MARCHF10: variants seen among roughly 807,000 people sequenced by gnomAD.
MARCHF10 encodes the protein probable E3 ubiquitin-protein ligase MARCHF10.
A neutral mutation model predicts 76.2 loss-of-function variants in MARCHF10; 64 were observed. The ratio of observed to expected loss-of-function variants is 0.84; its 90% CI spans 0.69 to 1.03. MARCHF10 has a LOEUF of 1.03. Ranked by LOEUF, MARCHF10 falls within the 50% of genes least tolerant of loss-of-function variation. MARCHF10 has a pLI of 0.00. For synonymous variants in MARCHF10, 340 were observed against 357.5 expected (o/e 0.95, Z 0.55); for missense variants, 875 against 958.0 (o/e 0.91, Z 1.14).
intron 7 of MARCHF10, among the ~76,000 whole-genome samples, chr17:62,723,261 C>A: frequency 6.7e-6 from 1 of 149,970 alleles, no homozygotes; most frequent in African/African-American, 2.5e-5. Context: ...TCCTATTCCC[C>A]AATGCAAAAG....
chr17:62,747,085 C>A, intron 4 of MARCHF10: 4 of 783,086 alleles, frequency 5.1e-6, no homozygotes, highest in Middle Eastern at 4.7e-4. Context: ...CTAGCCTGCA[C>A]GCTCCTTAAG....
At chr17:62,731,241 C>CT (rs1403369049) in intron 6 of MARCHF10, among the ~76,000 whole-genome samples, 7 of 152,090 alleles carry the variant, frequency 4.6e-5, no homozygotes, top group Non-Finnish European at 1.0e-4. Flanking sequence ...AAAAACATAT[C>CT]TGTAAAATAT....
chr17:62,751,797 G>C (rs2091904706), intron 4 of MARCHF10, among the ~76,000 whole-genome samples: 1 of 152,172 alleles, frequency 6.6e-6, no homozygotes, highest in Admixed American at 6.5e-5. Flanking sequence ...GAAGCAGGCG[G>C]ATTACTTGAG....
At chr17:62,705,381 TGTTTGC>T in intron 10 of MARCHF10, 152 bp downstream of exon 10, 1 of 1,534,930 alleles carries the variant, frequency 6.5e-7, no homozygotes, top group Non-Finnish European at 8.7e-7. Flanking sequence ...CCTTCCTGAT[TGTTTGC>T]TGCGGCTGAC....
chr17:62,761,488 C>T (rs182809620), intron 3 of MARCHF10, among the ~76,000 whole-genome samples: 63 of 152,166 alleles, frequency 4.1e-4, no homozygotes, highest in Admixed American at 1.2e-3. Flanking sequence ...ATGGTGCCAC[C>T]TTGGCTCACT....
chr17:62,751,306 G>C (rs1159112634), intron 4 of MARCHF10, among the ~76,000 whole-genome samples: 3 of 152,116 alleles, frequency 2.0e-5, no homozygotes, highest in Non-Finnish European at 4.4e-5. Context: ...CCTGCAAAAC[G>C]AGACGGGTGT....
chr17:62,806,835 C>CT, intron 1 of MARCHF10, among the ~76,000 whole-genome samples: 1 of 152,356 alleles, frequency 6.6e-6, no homozygotes, highest in East Asian at 1.9e-4. Context: ...TACCATCCCT[C>CT]TGTTTTATGA....
chr17:62,741,238 T>C (rs1457991083), intron 5 of MARCHF10, among the ~76,000 whole-genome samples: 3 of 152,240 alleles, frequency 2.0e-5, no homozygotes, highest in Admixed American at 6.5e-5. Flanking sequence ...TTGTTGGGTA[T>C]ATAGGTTGTT....
Position 62,736,513 on chromosome 17 carries a change from T to C in MARCHF10, c.1355A>G (p.Asp452Gly). ...DYLNSSQNSL[D>G]YFISGRPISP... ...TATTGGTCTGCCAGAAATAAAGTAG[T>C]CAAGAGAATTTTGAGAACTGTTTAA... The change falls in exon 6 of 11, where the codon GAC (aspartate) becomes GGC (glycine). Residue 452 changes from aspartate to glycine, a missense_variant. Transcript: ENST00000311269. The C allele has an allele frequency of 6.2e-7, 1 of 1,614,154 alleles. No homozygotes were observed. Among genetic ancestry groups the C allele is most frequent in the Non-Finnish European group, 8.5e-7 (1 of 1,180,018 alleles).
chr17:62,744,022 C>T (rs955755516), intron 5 of MARCHF10, among the ~76,000 whole-genome samples: 2 of 152,116 alleles, frequency 1.3e-5, no homozygotes, highest in Admixed American at 6.5e-5. Context: ...TCTCTGCCTT[C>T]CCCAACCCCT....
rs554714813 is a variant in MARCHF10, at chr17:62,751,472, T to C, written c.383-6944A>G. Among the ~76,000 whole-genome samples the C allele has an allele frequency of 5.3e-5, 8 of 152,272 alleles. No individual in the cohort carries two copies. In the South Asian group the frequency reaches 1.7e-3, roughly 32 times the overall value. ...CCCAGGTGTTTCTCATGAATGTTAATGTTTGGAAAAGCAAGGATCTGAGAC... is the reference window on the plus strand; with the variant it reads ...CCCAGGTGTTTCTCATGAATGTTAACGTTTGGAAAAGCAAGGATCTGAGAC... On this transcript the variant is annotated intron_variant, in intron 4 of 10. Transcript: ENST00000311269.
intron 4 of MARCHF10, among the ~76,000 whole-genome samples, chr17:62,752,107 G>A (rs2091915183): frequency 6.6e-6 from 1 of 151,826 alleles, no homozygotes; most frequent in African/African-American, 2.4e-5. Flanking sequence ...CAGAGGATTC[G>A]AGTAAATATT....
At chr17:62,747,589 A>C (rs2091749946) in intron 4 of MARCHF10, among the ~76,000 whole-genome samples, 1 of 152,230 alleles carries the variant, frequency 6.6e-6, no homozygotes, top group Non-Finnish European at 1.5e-5. Context: ...AAATGGCCTA[A>C]CTGGTTCATG....
intron 3 of MARCHF10, among the ~76,000 whole-genome samples, chr17:62,772,357 C>T (rs951764249): frequency 2.0e-5 from 3 of 152,126 alleles, no homozygotes; most frequent in African/African-American, 7.2e-5. Context: ...GAGGCCTCCC[C>T]AACCATGTGG....
rs193112122 is a variant in MARCHF10, at chr17:62,711,132, A to G, written c.2328+99T>C. 4.3e-5 allele frequency: 39 copies of G among 913,414 alleles called. No homozygotes were observed. Among genetic ancestry groups the G allele is most frequent in the Non-Finnish European group, 4.5e-5 (25 of 561,234 alleles). 56.6% of individuals were successfully genotyped at this position (913,414 alleles called of 1,614,324 possible). ...ACAATGATAGTCCCATATCCTCCCA[A>G]GCGACCGTGAGGACCTCAACAGCTT... On this transcript the variant is annotated intron_variant, in intron 9 of 10. Coordinates refer to ENST00000311269, the MANE Select transcript of MARCHF10 (RefSeq NM_152598.4). This position sits in a 1 kb window ranked among gnomAD's most constrained non-coding sequence, Gnocchi z 4.4.
chr17:62,737,552 T>TG (rs747617922), intron 5 of MARCHF10: 5 of 547,020 alleles, frequency 9.1e-6, no homozygotes, highest in Admixed American at 7.4e-5. Context: ...CCTAGGGAAA[T>TG]GGGGGGACCC....
chr17:62,782,345 CTTTTTTT>C (rs10676023), intron 3 of MARCHF10, among the ~76,000 whole-genome samples: 3 of 107,028 alleles, frequency 2.8e-5, no homozygotes, highest in Non-Finnish European at 5.4e-5. Context: ...AACAACTGTT[CTTTTTTT>C]TTTTTTTTTT....
chr17:62,795,642 CTT>C (rs2092972475), intron 2 of MARCHF10, among the ~76,000 whole-genome samples: 2 of 152,320 alleles, frequency 1.3e-5, no homozygotes, highest in African/African-American at 4.8e-5. Flanking sequence ...CATACCAACA[CTT>C]AGCGTATTTT....
At chr17:62,720,011 A>G (rs1157904475) in intron 8 of MARCHF10, among the ~76,000 whole-genome samples, 1 of 152,220 alleles carries the variant, frequency 6.6e-6, no homozygotes, top group East Asian at 1.9e-4. Flanking sequence ...TTTCACCTCT[A>G]TCATTTCTTT....
Sources: allele counts gnomAD v4.1 joint callset (sites outside exome capture counted in the v4.1 genomes callset), GRCh38; gene constraint gnomAD v4.1.1; non-coding constraint Gnocchi (gnomAD v3.1); transcripts MANE v1.5; gene names NCBI Gene and HGNC (gene_info 2026-07-23, HGNC 2026-07-21).